Variants in ADAMTSL1 observed in about 807,000 individuals in gnomAD.
ADAMTSL1 encodes ADAMTS like 1, also known as ADAMTS-like protein 1.
In ADAMTSL1, 126 loss-of-function variants were observed where a neutral mutation model predicts 201.8. The ratio of observed to expected loss-of-function variants is 0.62; its 90% CI spans 0.54 to 0.72. The LOEUF is 0.72. Ranked by LOEUF, ADAMTSL1 falls within the 30% of genes least tolerant of loss-of-function variation. ADAMTSL1 has a pLI of 0.00. For missense variants in ADAMTSL1, 2,679 were observed against 2,277.8 expected, an observed-to-expected ratio of 1.18 and a Z score of -3.59; for synonymous variants, 1,121 against 903.4, an observed-to-expected ratio of 1.24 and a Z score of -4.32.
At chr9:18,889,837 C>G in intron 25 of ADAMTSL1, 89 bp downstream of exon 25, 1 of 1,319,428 alleles carries the variant, frequency 7.6e-7, no homozygotes, top group Non-Finnish European at 9.9e-7. Flanking sequence ...TTCAGTAGCA[C>G]TGTGCAGGGA....
chr9:18,691,186 C>T (rs1001212970), intron 13 of ADAMTSL1, among the ~76,000 whole-genome samples: 4 of 152,012 alleles, frequency 2.6e-5, no homozygotes, highest in African/African-American at 9.7e-5. Flanking sequence ...TATTGAATTC[C>T]CAAATTCTCT....
intron 2 of ADAMTSL1, among the ~76,000 whole-genome samples, chr9:18,164,797 T>G (rs926103863): frequency 1.3e-5 from 2 of 151,916 alleles, no homozygotes; most frequent in African/African-American, 4.8e-5. Flanking sequence ...TTCTGTACCC[T>G]AACTCTTGAC....
chr9:18,556,948 T>G (rs913601577), intron 3 of ADAMTSL1, among the ~76,000 whole-genome samples: 1 of 152,042 alleles, frequency 6.6e-6, no homozygotes, highest in Non-Finnish European at 1.5e-5. Context: ...TACTTTTTTA[T>G]GGGGTCAATT....
chr9:18,120,649 C>A (rs1053009466), intron 1 of ADAMTSL1, among the ~76,000 whole-genome samples: 2 of 152,036 alleles, frequency 1.3e-5, no homozygotes, highest in Non-Finnish European at 2.9e-5. Flanking sequence ...CATGTGTGTA[C>A]ACACACACAA....
intron 23 of ADAMTSL1, among the ~76,000 whole-genome samples, chr9:18,845,749 G>C (rs1826064238): frequency 6.6e-6 from 1 of 152,210 alleles, no homozygotes; most frequent in Non-Finnish European, 1.5e-5. Flanking sequence ...ATGCAAAAAG[G>C]TGAAGGAATT....
chr9:18,440,104 T>A (rs1819931945), intron 2 of ADAMTSL1, among the ~76,000 whole-genome samples: 1 of 152,234 alleles, frequency 6.6e-6, no homozygotes, highest in Non-Finnish European at 1.5e-5. Context: ...ATGTATTTAT[T>A]ATGTTTTTGG....
intron 23 of ADAMTSL1, among the ~76,000 whole-genome samples, chr9:18,843,606 C>T (rs1285857653): frequency 1.3e-5 from 2 of 150,690 alleles, no homozygotes; most frequent in African/African-American, 2.5e-5. Flanking sequence ...GGGAAGTTCT[C>T]CTGGATAATA....
At chr9:18,391,691 A>G (rs1160852561) in intron 2 of ADAMTSL1, among the ~76,000 whole-genome samples, 1 of 152,116 alleles carries the variant, frequency 6.6e-6, no homozygotes, top group Non-Finnish European at 1.5e-5. Flanking sequence ...CCTGAAAACC[A>G]ATTTTCTTTA....
intron 1 of ADAMTSL1, among the ~76,000 whole-genome samples, chr9:18,151,182 C>A (rs1352311779): frequency 6.6e-6 from 1 of 152,038 alleles, no homozygotes; most frequent in Non-Finnish European, 1.5e-5. Flanking sequence ...ATCAAAGAGG[C>A]TGTTATTTAG....
chr9:18,608,934 A>C (rs1215280314), intron 4 of ADAMTSL1, among the ~76,000 whole-genome samples: 2 of 152,212 alleles, frequency 1.3e-5, no homozygotes, highest in Non-Finnish European at 2.9e-5. Context: ...CCATTAAAAT[A>C]AATAAATTTT....
intron 1 of ADAMTSL1, among the ~76,000 whole-genome samples, chr9:18,036,442 T>G (rs981912963): frequency 6.6e-6 from 1 of 152,198 alleles, no homozygotes; most frequent in African/African-American, 2.4e-5. Context: ...TGTAAAGAAA[T>G]ATGCACTTGG....
At position 18,807,497 on chromosome 9, in the gene ADAMTSL1, T is replaced by G. The variant is rs577743013; in HGVS notation, c.3806-9612T>G. Among the ~76,000 whole-genome samples the G allele has an allele frequency of 5.3e-5, 8 of 151,682 alleles. No homozygotes were observed. The South Asian group carries it at 1.7e-3, about 32-fold the overall frequency. ...GTCTCTACTAAAAAATACAAAAAAT[T>G]AGCCGGGCGCAGTGGCAGGCGCCTG... On this transcript the variant is annotated intron_variant, in intron 20 of 28. Coordinates refer to ENST00000380548, the MANE Select transcript of ADAMTSL1 (RefSeq NM_001040272.6).
At chr9:18,295,763 C>G (rs929321738) in intron 2 of ADAMTSL1, among the ~76,000 whole-genome samples, 1 of 152,164 alleles carries the variant, frequency 6.6e-6, no homozygotes, top group African/African-American at 2.4e-5. Context: ...ATACTCCAAG[C>G]ATGGATTGAC....
At chr9:18,502,549 T>C (rs1467812440) in intron 1 of ADAMTSL1, among the ~76,000 whole-genome samples, 1 of 152,212 alleles carries the variant, frequency 6.6e-6, no homozygotes, top group African/African-American at 2.4e-5. Flanking sequence ...ATTGTTTAAG[T>C]TCTGAAAACA....
chr9:18,689,803 A>G (rs1044482981), intron 13 of ADAMTSL1, among the ~76,000 whole-genome samples: 1 of 152,216 alleles, frequency 6.6e-6, no homozygotes, highest in Admixed American at 6.5e-5. Context: ...GGAAAGCCTT[A>G]ATGATGCCAT....
At chr9:18,324,487 A>G (rs1431951665) in intron 2 of ADAMTSL1, among the ~76,000 whole-genome samples, 1 of 151,556 alleles carries the variant, frequency 6.6e-6, no homozygotes, top group Non-Finnish European at 1.5e-5. Context: ...ACATCAGGCT[A>G]GGTGCAGTGG....
chr9:18,449,686 G>C (rs543500819), intron 2 of ADAMTSL1, among the ~76,000 whole-genome samples: 5 of 151,982 alleles, frequency 3.3e-5, no homozygotes, highest in African/African-American at 1.2e-4. Context: ...CTCAGTAATA[G>C]GAAAATAACC....
At chr9:18,628,183 C>T (rs1158808750) in intron 5 of ADAMTSL1, among the ~76,000 whole-genome samples, 2 of 86,296 alleles carry the variant, frequency 2.3e-5, no homozygotes, top group Admixed American at 2.6e-4. Context: ...AAGACCAGGA[C>T]ACAAAGATTT....
intron 2 of ADAMTSL1, among the ~76,000 whole-genome samples, chr9:18,229,501 A>G (rs1587357821): frequency 1.1e-5 from 1 of 92,154 alleles, no homozygotes; most frequent in Admixed American, 9.9e-5. Flanking sequence ...AACTTTCTAT[A>G]AAAAAACTCT....
Sources: allele counts gnomAD v4.1 joint callset (sites outside exome capture counted in the v4.1 genomes callset), GRCh38; gene constraint gnomAD v4.1.1; transcripts MANE v1.5; gene names NCBI Gene and HGNC (gene_info 2026-07-23, HGNC 2026-07-21).